GPR161: variants seen among roughly 807,000 people sequenced by gnomAD.
GPR161 encodes the protein G-protein coupled receptor RE2.
Under a neutral mutation model 39.2 loss-of-function variants are expected in GPR161, and 25 were observed. The observed-to-expected ratio is 0.64, with a 90% CI of 0.47 to 0.89. GPR161 has a LOEUF of 0.89. Ranked by LOEUF, GPR161 falls within the 40% of genes least tolerant of loss-of-function variation. The probability of loss-of-function intolerance (pLI) is 0.00; values close to 1 mark genes in which losing one functional copy is unlikely to be tolerated. For missense variants in GPR161, 547 were observed against 677.8 expected (o/e 0.81, Z 2.14); for synonymous variants, 286 against 276.6 (o/e 1.03, Z -0.34).
chr1:168,085,127 C>G lies in GPR161; in HGVS notation c.*404G>C. On this transcript the variant is annotated 3_prime_UTR_variant, in exon 6 of 6. Transcript: ENST00000682931. The stretch of plus-strand genomic sequence containing the variant: ...GGTTCTCCTCCTGAGGCATCTGGCA[C>G]AGTGCACGGCTGGACTCCCAGCACA... 1 of 460,062 alleles carries G rather than the reference C, an allele frequency of 2.2e-6. No individual in the cohort carries two copies. The highest frequency in any genetic ancestry group is 4.3e-6 in the Non-Finnish European group (1 of 230,210). 28.5% of individuals were successfully genotyped at this position (460,062 alleles called of 1,614,324 possible). A position where few individuals can be genotyped will look rare whatever the true frequency, so the allele number is the denominator to read the frequency against.
At chr1:168,100,210 C>CA (rs35900694) in intron 2 of GPR161, among the ~76,000 whole-genome samples, 18,046 of 53,758 alleles carry the variant, frequency 0.34, 2,694 homozygotes, top group Admixed American at 0.41. Context: ...GACCCTGTCT[C>CA]AAAAAAAAAA....
chr1:168,101,136 A>C (rs1458060718), intron 2 of GPR161, among the ~76,000 whole-genome samples: 2 of 132,480 alleles, frequency 1.5e-5, no homozygotes, highest in Non-Finnish European at 3.3e-5. Context: ...TTTAAATTTT[A>C]TTTTTATTAT....
chr1:168,111,837 A>G (rs1012074725), intron 1 of GPR161, among the ~76,000 whole-genome samples: 3 of 152,156 alleles, frequency 2.0e-5, no homozygotes, highest in African/African-American at 4.8e-5. Flanking sequence ...AAGTTCTGAA[A>G]ATAATTTTTT....
rs900612450 is a variant in GPR161 at position 168,081,990 on chromosome 1, G to A, written c.*3541C>T. 1.3e-5 allele frequency: 2 copies of A among 152,166 alleles called. No individual in the cohort carries two copies. Among genetic ancestry groups the A allele is most frequent in the Admixed American group, 6.5e-5 (1 of 15,286 alleles). 9.4% of individuals were successfully genotyped at this position (152,166 alleles called of 1,614,324 possible). On this transcript the variant is annotated 3_prime_UTR_variant, in exon 6 of 6. Coordinates refer to ENST00000682931, the MANE Select transcript of GPR161 (RefSeq NM_001375883.1). ...GCAAGTATCTAAGAGGCATATTGTCGGGATGGAAAATATTCAGGGAAATCT... is the reference window on the plus strand; with the variant it reads ...GCAAGTATCTAAGAGGCATATTGTCAGGATGGAAAATATTCAGGGAAATCT...
chr1:168,120,044 T>C (rs1698038756), intron 1 of GPR161, among the ~76,000 whole-genome samples: 1 of 152,104 alleles, frequency 6.6e-6, no homozygotes, highest in Non-Finnish European at 1.5e-5. Context: ...CTAGTGAAGA[T>C]GTGTGAAGAG....
chr1:168,089,546 T>G (rs1014984696), intron 4 of GPR161: 2 of 152,430 alleles, frequency 1.3e-5, no homozygotes, highest in Admixed American at 1.3e-4. Context: ...GAGGTGGTTT[T>G]TCAAAGGCTC....
intron 1 of GPR161, chr1:168,136,070 C>A: frequency 8.0e-7 from 1 of 1,257,206 alleles, no homozygotes; most frequent in Non-Finnish European, 1.0e-6. Context: ...TTAAGCTTGG[C>A]CCAGAAGGCG....
intron 1 of GPR161, chr1:168,136,128 C>T (rs1315278660): frequency 1.6e-6 from 2 of 1,263,546 alleles, no homozygotes; most frequent in Non-Finnish European, 1.0e-6. Context: ...GCCGAATCTC[C>T]CTCCCGCAGA....
At chr1:168,122,769 T>C (rs570957326) in intron 1 of GPR161, among the ~76,000 whole-genome samples, 1 of 152,184 alleles carries the variant, frequency 6.6e-6, no homozygotes, top group African/African-American at 2.4e-5. Context: ...AGCCATACTA[T>C]GTAACACTTC....
intron 2 of GPR161, among the ~76,000 whole-genome samples, chr1:168,099,092 TC>T (rs1323189209): frequency 5.3e-5 from 8 of 152,086 alleles, no homozygotes; most frequent in African/African-American, 1.9e-4. Context: ...CATCGACCTT[TC>T]CCCCTTCCTC....
intron 1 of GPR161, among the ~76,000 whole-genome samples, chr1:168,121,748 T>C (rs1301323526): frequency 1.3e-5 from 2 of 152,212 alleles, no homozygotes; most frequent in Admixed American, 1.3e-4. Context: ...GCAGGGATTT[T>C]TCCTCTGGCA....
chr1:168,130,513 C>G (rs1275603044), intron 1 of GPR161, among the ~76,000 whole-genome samples: 7 of 152,184 alleles, frequency 4.6e-5, no homozygotes, highest in Admixed American at 6.5e-5. Flanking sequence ...TGAACCCACA[C>G]CAGAAGCCAA....
intron 1 of GPR161, among the ~76,000 whole-genome samples, chr1:168,126,897 A>G (rs1379706092): frequency 6.6e-6 from 1 of 152,186 alleles, no homozygotes; most frequent in Non-Finnish European, 1.5e-5. Flanking sequence ...ACTAATATCC[A>G]CTTAAACCTG....
Position 168,082,088 on chromosome 1 carries a change from C to CCTAT in GPR161, c.*3439_*3442dup, listed in dbSNP as rs1361190261. ...TCCTGTCTCAACCCAAATTCCTTAG[C>CCTAT]CTATCTATTGCAAATATTTAGTCTC... On this transcript the variant is annotated 3_prime_UTR_variant, in exon 6 of 6. Coordinates refer to ENST00000682931, the MANE Select transcript of GPR161 (RefSeq NM_001375883.1). 1 of 152,204 alleles carries CCTAT rather than the reference C, an allele frequency of 6.6e-6. No homozygotes were observed. The highest frequency in any genetic ancestry group is 1.9e-4 in the East Asian group (1 of 5,204). The allele number at this position is 152,204 out of a possible 1,614,324, so 9.4% of individuals were successfully genotyped here.
chr1:168,087,435 G>C (rs1329096974), intron 5 of GPR161, 150 bp downstream of exon 5: 4 of 913,160 alleles, frequency 4.4e-6, no homozygotes, highest in Non-Finnish European at 6.9e-6. Context: ...ACTCAGGTGA[G>C]ACCAACAGGG....
chr1:168,108,486 T>TGAAAAAAAAAAAAA (rs1312126331), intron 1 of GPR161, among the ~76,000 whole-genome samples: 1 of 17,480 alleles, frequency 5.7e-5, no homozygotes, highest in Non-Finnish European at 8.8e-5. Flanking sequence ...GCCCTAGTTG[T>TGAAAAAAAAAAAAA]AAAAAAAAAA....
rs1699426280 is a variant in GPR161 at position 168,136,916 on chromosome 1, G to A, written c.-222C>T. 9 of 978,682 alleles carry A rather than the reference G, an allele frequency of 9.2e-6. No homozygotes were observed. Among genetic ancestry groups the A allele is most frequent in the Non-Finnish European group, 1.1e-5 (9 of 827,454 alleles). 60.6% of individuals were successfully genotyped at this position (978,682 alleles called of 1,614,324 possible). On this transcript the variant is annotated 5_prime_UTR_variant, in exon 1 of 6. Coordinates refer to ENST00000682931, the MANE Select transcript of GPR161 (RefSeq NM_001375883.1). ...CAGCCACCAGCACGCGGACCCGGGCGGGCGCAGGCCAAGTAACTTTGCGGC... is the reference window on the plus strand; with the variant it reads ...CAGCCACCAGCACGCGGACCCGGGCAGGCGCAGGCCAAGTAACTTTGCGGC...
chr1:168,115,477 C>G (rs1230139553), intron 1 of GPR161, among the ~76,000 whole-genome samples: 4 of 152,052 alleles, frequency 2.6e-5, no homozygotes, highest in Admixed American at 6.5e-5. Context: ...AGGAAGTAGA[C>G]TCTCCTCATA....
rs1346075243 is a variant in GPR161 at position 168,085,047 on chromosome 1, G to C, written c.*484C>G. ...ATCAACCATGTAGAGGCACCAGGACGGTCGCGTGTCATTAGGAAGAAGTGC... is the reference window on the plus strand; with the variant it reads ...ATCAACCATGTAGAGGCACCAGGACCGTCGCGTGTCATTAGGAAGAAGTGC... On this transcript the variant is annotated 3_prime_UTR_variant, in exon 6 of 6. Transcript: ENST00000682931. The C allele has an allele frequency of 1.3e-5, 6 of 456,320 alleles. No individual in the cohort carries two copies. Among genetic ancestry groups the C allele is most frequent in the Non-Finnish European group, 2.6e-5 (6 of 227,100 alleles). 28.3% of individuals were successfully genotyped at this position (456,320 alleles called of 1,614,324 possible). A position where few individuals can be genotyped will look rare whatever the true frequency, so the allele number is the denominator to read the frequency against.
Sources: allele counts gnomAD v4.1 joint callset (sites outside exome capture counted in the v4.1 genomes callset), GRCh38; gene constraint gnomAD v4.1.1; transcripts MANE v1.5; gene names NCBI Gene and HGNC (gene_info 2026-07-23, HGNC 2026-07-21).